Variants in KIF15 observed in about 807,000 individuals in gnomAD.
KIF15 encodes the protein kinesin-like protein KIF15.
Under a neutral mutation model 190.6 loss-of-function variants are expected in KIF15, and 140 were observed. The ratio of observed to expected loss-of-function variants is 0.73; its 90% confidence interval spans 0.64 to 0.84. The LOEUF (loss-of-function observed/expected upper bound fraction) is 0.84. KIF15 is among the 40% of genes least tolerant of loss of function. The probability of loss-of-function intolerance (pLI) is 0.00; values close to 1 mark genes in which losing one functional copy is unlikely to be tolerated. For synonymous variants in KIF15, 528 were observed against 551.3 expected (o/e 0.96, Z 0.59); for missense variants, 1,372 against 1,584.4 (o/e 0.87, Z 2.28).
At chr3:44,824,144 C>T in intron 20 of KIF15, among the ~76,000 whole-genome samples, 1 of 152,130 alleles carries the variant, frequency 6.6e-6, no homozygotes, top group East Asian at 1.9e-4. Context: ...GGCCATCTTG[C>T]CTAATTCACA....
chr3:44,830,394 C>G (rs1004591634), intron 25 of KIF15, among the ~76,000 whole-genome samples: 1 of 152,118 alleles, frequency 6.6e-6, no homozygotes, highest in African/African-American at 2.4e-5. Flanking sequence ...CTGGCCGTAA[C>G]AGTTAAGGCA....
chr3:44,860,806 C>T (rs1218349040), intron 6 of KIF15, among the ~76,000 whole-genome samples: 2 of 152,070 alleles, frequency 1.3e-5, no homozygotes, highest in Admixed American at 6.5e-5. Context: ...ACTGTGAAAT[C>T]ATTTTTGTTT....
chr3:44,855,497 T>C (rs1288492537), downstream of KIF15, among the ~76,000 whole-genome samples: 10 of 152,190 alleles, frequency 6.6e-5, no homozygotes, highest in Non-Finnish European at 1.5e-4. Context: ...TGTCTTCTTA[T>C]ATTAATAAGA....
At chr3:44,844,730 G>T (rs765714153) in intron 30 of KIF15, among the ~76,000 whole-genome samples, 14 of 152,148 alleles carry the variant, frequency 9.2e-5, no homozygotes, top group Non-Finnish European at 1.8e-4. Context: ...CAACCAATAA[G>T]AGTCTGGGGA....
At position 44,801,830 on chromosome 3, in the gene KIF15, T is replaced by A. The variant is rs547023777; in HGVS notation, c.1365T>A (p.Ser455=). 9 of 1,609,820 alleles carry A rather than the reference T, an allele frequency of 5.6e-6. No individual in the cohort carries two copies. In the African/African-American group the frequency reaches 1.2e-4, roughly 21 times the overall value. Residue 455 remains serine (S), a synonymous_variant, in exon 13 of 35, where the codon TCT becomes TCA. Transcript: ENST00000326047. ...TCAAAAAGGAAAAATTTATTCAATC[T>A]AATAAAATGATTGTGAAATTCCGAG... ...LTLKKEKFIQ[S]NKMIVKFRED...
intron 28 of KIF15, 56 bp downstream of exon 28, chr3:44,840,512 A>T: frequency 8.0e-7 from 1 of 1,242,260 alleles, no homozygotes; most frequent in East Asian, 2.3e-5. Context: ...TAAATGATAA[A>T]AATTTGGAAA....
At chr3:44,865,975 A>G (rs748108277) in intron 6 of KIF15, among the ~76,000 whole-genome samples, 13 of 149,544 alleles carry the variant, frequency 8.7e-5, no homozygotes, top group Non-Finnish European at 1.8e-4. Flanking sequence ...ATTCCCTGCC[A>G]CTCTGTTCCT....
At chr3:44,761,955 C>T in intron 1 of KIF15, 71 bp downstream of exon 1, 1 of 1,597,678 alleles carries the variant, frequency 6.3e-7, no homozygotes, top group Non-Finnish European at 8.6e-7. Context: ...ATGGCAGCCT[C>T]GGACCGCCCG....
At chr3:44,834,973 T>C (rs1423779897) in intron 26 of KIF15, among the ~76,000 whole-genome samples, 2 of 148,678 alleles carry the variant, frequency 1.3e-5, no homozygotes, top group Non-Finnish European at 3.0e-5. Context: ...TAGATTATTA[T>C]ATAATATTAT....
In KIF15 at chr3:44,838,454, A is replaced by T. The variant is rs780035475; in HGVS notation, c.3318+33A>T. ...ACACACAGGTGTCACTCAAGATGGG[A>T]GACAAGAGACCAAGTGTAGTGGCTC... On this transcript the variant is annotated intron_variant, in intron 27 of 34. Transcript: ENST00000326047. 3 of 1,595,182 alleles carry T rather than the reference A, an allele frequency of 1.9e-6. No individual in the cohort carries two copies. The East Asian group carries it at 6.7e-5, about 36-fold the overall frequency.
intron 28 of KIF15, among the ~76,000 whole-genome samples, chr3:44,840,775 TCTC>T: frequency 6.8e-6 from 1 of 147,786 alleles, no homozygotes; most frequent in Non-Finnish European, 1.5e-5. Context: ...TTCAAGCAAT[TCTC>T]CTGCCTCAGC....
chr3:44,843,119 T>C lies in KIF15; in HGVS notation c.3586-6T>C, dbSNP rs898157004. On this transcript the variant is annotated splice_region_variant and splice_polypyrimidine_tract_variant and intron_variant, in intron 29 of 34. Transcript: ENST00000326047. ...TTTTTGAAAAGATACGATTTGATGTTATTAGGAGCAGTTGCGTGAAATGGA... is the reference window on the plus strand; with the variant it reads ...TTTTTGAAAAGATACGATTTGATGTCATTAGGAGCAGTTGCGTGAAATGGA... 6.2e-7 allele frequency: 1 copy of C among 1,601,130 alleles called. No homozygotes were observed. The highest frequency in any genetic ancestry group is 8.5e-7 in the Non-Finnish European group (1 of 1,171,298).
intron 16 of KIF15, among the ~76,000 whole-genome samples, chr3:44,807,100 G>A (rs532824128): frequency 6.6e-6 from 1 of 152,076 alleles, no homozygotes; most frequent in African/African-American, 2.4e-5. Flanking sequence ...TTCCTTATAT[G>A]TCTTAGAATA....
chr3:44,862,473 A>G (rs1699269121), intron 6 of KIF15: 1 of 152,050 alleles, frequency 6.6e-6, no homozygotes, highest in African/African-American at 2.4e-5. Context: ...TCCACCCTCT[A>G]CCTCTCATTT....
At chr3:44,834,629 T>G (rs925107416) in intron 26 of KIF15, among the ~76,000 whole-genome samples, 2 of 152,080 alleles carry the variant, frequency 1.3e-5, no homozygotes, top group African/African-American at 2.4e-5. Flanking sequence ...AAAGAAAGAA[T>G]AGCTTTACTG....
chr3:44,820,798 C>T (rs1486461540), intron 20 of KIF15, among the ~76,000 whole-genome samples: 1 of 152,240 alleles, frequency 6.6e-6, no homozygotes, highest in Non-Finnish European at 1.5e-5. Context: ...CTTTTCCCCA[C>T]CTCTCCCCAC....
rs933013852 is a variant in KIF15, at chr3:44,812,124, G to A, written c.2170-58G>A. The A allele has an allele frequency of 1.2e-5, 15 of 1,249,442 alleles. No individual in the cohort carries two copies. In the East Asian group the frequency reaches 3.0e-4, roughly 25 times the overall value. 77.4% of individuals were successfully genotyped at this position (1,249,442 alleles called of 1,614,324 possible). A position where few individuals can be genotyped will look rare whatever the true frequency, so the allele number is the denominator to read the frequency against. On this transcript the variant is annotated intron_variant, in intron 17 of 34. Transcript: ENST00000326047. ...GTCTCTTTAATGCAGACGAAATGGTGGAATGTTTGAGAATTCCATTAAAAT... is the reference window on the plus strand; with the variant it reads ...GTCTCTTTAATGCAGACGAAATGGTAGAATGTTTGAGAATTCCATTAAAAT...
chr3:44,839,461 T>C (rs1698486932), intron 27 of KIF15, among the ~76,000 whole-genome samples: 1 of 152,172 alleles, frequency 6.6e-6, no homozygotes, highest in Non-Finnish European at 1.5e-5. Flanking sequence ...ATATCATAGG[T>C]TTATTTTAAT....
intron 5 of KIF15, among the ~76,000 whole-genome samples, chr3:44,782,364 T>G (rs1263047796): frequency 6.6e-6 from 1 of 152,170 alleles, no homozygotes; most frequent in East Asian, 1.9e-4. Flanking sequence ...ACCTGGCTTC[T>G]TTTTCCTTAA....
Sources: allele counts gnomAD v4.1 joint callset (sites outside exome capture counted in the v4.1 genomes callset), GRCh38; gene constraint gnomAD v4.1.1; transcripts MANE v1.5; gene names NCBI Gene and HGNC (gene_info 2026-07-23, HGNC 2026-07-21).